Variants in CCNY observed in about 807,000 individuals in gnomAD.
CCNY encodes the protein cyclin-Y.
CCNY carries 19 observed loss-of-function variants against 42.8 expected under a neutral mutation model. The observed-to-expected ratio is 0.44, with a 90% CI of 0.31 to 0.65. The LOEUF (loss-of-function observed/expected upper bound fraction) is 0.65. Among genes scored for constraint, CCNY ranks in the 30% least tolerant of loss-of-function variants. The probability of loss-of-function intolerance (pLI) is 0.07; values close to 1 mark genes in which losing one functional copy is unlikely to be tolerated. For missense variants in CCNY, 370 were observed against 437.3 expected, an observed-to-expected ratio of 0.85 and a Z score of 1.37; for synonymous variants, 165 against 162.7, an observed-to-expected ratio of 1.01 and a Z score of -0.11.
chr10:35,477,069 C>G (rs1272923193), intron 1 of CCNY, among the ~76,000 whole-genome samples: 2 of 152,182 alleles, frequency 1.3e-5, no homozygotes, highest in East Asian at 3.8e-4. Flanking sequence ...CACATAGACT[C>G]TCCCAAGACT....
intron 3 of CCNY, among the ~76,000 whole-genome samples, chr10:35,306,999 C>T (rs1301053738): frequency 6.6e-6 from 1 of 152,130 alleles, no homozygotes; most frequent in Non-Finnish European, 1.5e-5. Flanking sequence ...CACCTGAGGG[C>T]GTGCAGTCCC....
At chr10:35,435,781 C>T (rs1432876184) in intron 1 of CCNY, among the ~76,000 whole-genome samples, 1 of 152,154 alleles carries the variant, frequency 6.6e-6, no homozygotes, top group Non-Finnish European at 1.5e-5. Context: ...CTCTCTGGGC[C>T]TCAGGTTCTT....
intron 1 of CCNY, among the ~76,000 whole-genome samples, chr10:35,482,749 G>GGTGTGTGTGTGTGTGT (rs56033862): frequency 4.5e-4 from 58 of 128,938 alleles, no homozygotes; most frequent in East Asian, 3.1e-3. Context: ...GCTGGAAATA[G>GGTGTGTGTGTGTGTGT]GTGTGTGTGT....
Position 35,530,364 on chromosome 10 carries a change from T to A in CCNY, c.579+121T>A. ...TCACCAGGTTACCCTGTGGACACCG[T>A]GGCATAAGCTTCAGTGTTGTCGTTC... On this transcript the variant is annotated intron_variant, in intron 7 of 9. Coordinates refer to ENST00000374704, the MANE Select transcript of CCNY (RefSeq NM_145012.6). The surrounding 1 kb of genome is among the most constrained non-coding windows in gnomAD (Gnocchi z 4.3). 2 of 1,178,164 alleles carry A rather than the reference T, an allele frequency of 1.7e-6. No homozygotes were observed. Among genetic ancestry groups the A allele is most frequent in the Non-Finnish European group, 2.4e-6 (2 of 828,354 alleles). The allele number at this position is 1,178,164 out of a possible 1,614,324, so 73.0% of individuals were successfully genotyped here. A position where few individuals can be genotyped will look rare whatever the true frequency, so the allele number is the denominator to read the frequency against.
chr10:35,456,763 AT>A (rs1055787630), intron 1 of CCNY, among the ~76,000 whole-genome samples: 11 of 151,912 alleles, frequency 7.2e-5, no homozygotes, highest in Admixed American at 4.6e-4. Context: ...TACATTTTAG[AT>A]TTTTTTTCCC....
At position 35,291,773 on chromosome 10, in the gene CCNY, G is replaced by A. The variant is rs112013171; in HGVS notation, c.-9+41147G>A. ...GCTGGTCTTGAACTCCTGACCTCATGATCCACTGGCCTCGGCCTCCCAAAG... is the reference window on the plus strand; with the variant it reads ...GCTGGTCTTGAACTCCTGACCTCATAATCCACTGGCCTCGGCCTCCCAAAG... On this transcript the variant is annotated intron_variant, in intron 3 of 11. Coordinates refer to the CCNY transcript ENST00000374706. Among the ~76,000 whole-genome samples, 708 of 152,204 alleles carry A rather than the reference G, an allele frequency of 4.7e-3. 6 individuals carry two copies. The highest frequency in any genetic ancestry group is 0.016 in the African/African-American group (665 of 41,502).
intron 1 of CCNY, among the ~76,000 whole-genome samples, chr10:35,358,898 T>C (rs1249021055): frequency 6.6e-6 from 1 of 152,182 alleles, no homozygotes; most frequent in African/African-American, 2.4e-5. Flanking sequence ...GAAAGCCCCA[T>C]GCTTCACCAG....
At chr10:35,545,962 T>G (rs879266238) in intron 7 of CCNY, among the ~76,000 whole-genome samples, 4 of 152,198 alleles carry the variant, frequency 2.6e-5, no homozygotes, top group Non-Finnish European at 5.9e-5. Context: ...AAGTGATAAT[T>G]TATGGAGCAT....
intron 1 of CCNY, among the ~76,000 whole-genome samples, chr10:35,356,459 C>T (rs1836551513): frequency 6.6e-6 from 1 of 152,154 alleles, no homozygotes; most frequent in Non-Finnish European, 1.5e-5. Flanking sequence ...TTCTCCATGA[C>T]TCCGCGTGGG....
chr10:35,400,562 G>A (rs530527379), intron 1 of CCNY, among the ~76,000 whole-genome samples: 15 of 152,192 alleles, frequency 9.9e-5, no homozygotes, highest in South Asian at 4.2e-4. Context: ...AATTTTTTCC[G>A]ACCAACCTCT....
chr10:35,539,296 C>T (rs191059294), intron 7 of CCNY, among the ~76,000 whole-genome samples: 2 of 152,274 alleles, frequency 1.3e-5, no homozygotes, highest in Admixed American at 1.3e-4. Context: ...CAGCACCCAC[C>T]ACCTCAAAAA....
chr10:35,405,008 G>A (rs556751698), intron 1 of CCNY, among the ~76,000 whole-genome samples: 1 of 152,272 alleles, frequency 6.6e-6, no homozygotes, highest in Admixed American at 6.5e-5. Context: ...AGAATAATGA[G>A]TTATGGAGGG....
At chr10:35,541,633 C>G (rs1841002774) in intron 7 of CCNY, among the ~76,000 whole-genome samples, 1 of 152,214 alleles carries the variant, frequency 6.6e-6, no homozygotes, top group East Asian at 1.9e-4. Context: ...CTCCTGTCGT[C>G]AAGTGACTCT....
intron 3 of CCNY, among the ~76,000 whole-genome samples, chr10:35,285,209 A>AT (rs1171060883): frequency 2.0e-5 from 3 of 151,690 alleles, no homozygotes; most frequent in Admixed American, 2.0e-4. Flanking sequence ...AATTTTTTGT[A>AT]TTTTTTGTAG....
intron 1 of CCNY, among the ~76,000 whole-genome samples, chr10:35,360,338 G>A (rs1836656240): frequency 7.0e-6 from 1 of 142,280 alleles, no homozygotes; most frequent in South Asian, 2.2e-4. Context: ...CCAAGCTGGA[G>A]TGTAGTGGTG....
chr10:35,267,107 A>G (rs1016025694), intron 3 of CCNY, among the ~76,000 whole-genome samples: 7 of 148,804 alleles, frequency 4.7e-5, no homozygotes, highest in African/African-American at 7.4e-5. Flanking sequence ...AAAATGACCT[A>G]CTGTGGGTAA....
intron 1 of CCNY, among the ~76,000 whole-genome samples, chr10:35,435,214 C>T (rs983666720): frequency 6.6e-6 from 1 of 152,184 alleles, no homozygotes; most frequent in Admixed American, 6.5e-5. Context: ...AGCTCCAGGT[C>T]CCTATCTCTG....
intron 2 of CCNY, among the ~76,000 whole-genome samples, chr10:35,494,237 C>CCG (rs1554794890): frequency 2.2e-5 from 3 of 139,158 alleles, no homozygotes; most frequent in East Asian, 4.3e-4. Flanking sequence ...TAGTGAGACC[C>CCG]CCCCCCCCAT....
At chr10:35,265,822 G>T (rs2095724564) in intron 3 of CCNY, among the ~76,000 whole-genome samples, 1 of 152,184 alleles carries the variant, frequency 6.6e-6, no homozygotes, top group South Asian at 2.1e-4. Context: ...TGGCCAAGGT[G>T]GGGCAGATAT....
Sources: allele counts gnomAD v4.1 joint callset (sites outside exome capture counted in the v4.1 genomes callset), GRCh38; gene constraint gnomAD v4.1.1; non-coding constraint Gnocchi (gnomAD v3.1); transcripts MANE v1.5; gene names NCBI Gene and HGNC (gene_info 2026-07-23, HGNC 2026-07-21).